Variants in FILIP1L observed in about 807,000 individuals in gnomAD.
The protein encoded by FILIP1L is filamin A-interacting protein 1-like.
Under a neutral mutation model 96.6 loss-of-function variants are expected in FILIP1L, and 55 were observed. The observed-to-expected ratio is 0.57, with a 90% confidence interval of 0.46 to 0.71. The LOEUF is 0.71. FILIP1L is among the 30% of genes least tolerant of loss of function. The pLI is 0.00. For missense variants in FILIP1L, 1,304 were observed against 1,321.2 expected, an observed-to-expected ratio of 0.99 and a Z score of 0.20; for synonymous variants, 467 against 473.9, an observed-to-expected ratio of 0.99 and a Z score of 0.19.
At chr3:99,980,470 T>C (rs1273976676) in intron 1 of FILIP1L, among the ~76,000 whole-genome samples, 1 of 152,170 alleles carries the variant, frequency 6.6e-6, no homozygotes, top group Non-Finnish European at 1.5e-5. Context: ...CATTTTTATT[T>C]CCACAGAAAC....
intron 4 of FILIP1L, among the ~76,000 whole-genome samples, chr3:99,881,233 C>G (rs1184604627): frequency 6.6e-6 from 1 of 152,144 alleles, no homozygotes; most frequent in Admixed American, 6.5e-5. Flanking sequence ...AATGTGACGC[C>G]ACTGTAAGAT....
At chr3:100,062,872 A>T (rs190916228) in intron 1 of FILIP1L, among the ~76,000 whole-genome samples, 2 of 152,198 alleles carry the variant, frequency 1.3e-5, no homozygotes, top group Non-Finnish European at 1.5e-5. Flanking sequence ...TTACTTGTAC[A>T]AAGTGGACAT....
intron 1 of FILIP1L, among the ~76,000 whole-genome samples, chr3:100,060,347 C>A (rs936286448): frequency 6.6e-5 from 10 of 152,120 alleles, no homozygotes; most frequent in African/African-American, 2.4e-4. Context: ...CTCTTCCATC[C>A]CTTTATACCA....
intron 4 of FILIP1L, among the ~76,000 whole-genome samples, chr3:99,864,277 G>T (rs1456250893): frequency 6.6e-6 from 1 of 152,058 alleles, no homozygotes. Context: ...CATCATTATG[G>T]TGGCCCTGGA....
intron 1 of FILIP1L, among the ~76,000 whole-genome samples, chr3:99,975,408 A>G (rs1179194689): frequency 6.6e-6 from 1 of 152,158 alleles, no homozygotes; most frequent in Non-Finnish European, 1.5e-5. Flanking sequence ...CTTGACCAAC[A>G]TGGTGAAACT....
At chr3:100,069,055 G>A (rs938721502) in intron 1 of FILIP1L, among the ~76,000 whole-genome samples, 4 of 152,142 alleles carry the variant, frequency 2.6e-5, no homozygotes, top group Admixed American at 6.5e-5. Context: ...CTTCATAATA[G>A]ATCAGTTGAT....
At chr3:99,866,797 A>G (rs1016289110) in intron 4 of FILIP1L, among the ~76,000 whole-genome samples, 1 of 152,160 alleles carries the variant, frequency 6.6e-6, no homozygotes, top group Non-Finnish European at 1.5e-5. Context: ...AGTTTGGGCC[A>G]TATGCCATCT....
At chr3:99,995,981 G>C (rs950014789) in intron 1 of FILIP1L, among the ~76,000 whole-genome samples, 6 of 152,202 alleles carry the variant, frequency 3.9e-5, no homozygotes, top group African/African-American at 1.4e-4. Flanking sequence ...CCATTGTCTT[G>C]GTGATTAACA....
chr3:99,992,817 A>AT (rs1709563024), intron 1 of FILIP1L, among the ~76,000 whole-genome samples: 1 of 152,040 alleles, frequency 6.6e-6, no homozygotes, highest in Admixed American at 6.6e-5. Flanking sequence ...TTAGATCTTT[A>AT]ATCCATCTTG....
At chr3:100,036,176 G>A (rs2065103789) in intron 1 of FILIP1L, among the ~76,000 whole-genome samples, 1 of 152,108 alleles carries the variant, frequency 6.6e-6, no homozygotes, top group Non-Finnish European at 1.5e-5. Context: ...TCCTAGCTCT[G>A]TCAACTAAAA....
intron 1 of FILIP1L, among the ~76,000 whole-genome samples, chr3:99,935,574 T>C (rs1367376029): frequency 6.6e-6 from 1 of 152,226 alleles, no homozygotes; most frequent in Non-Finnish European, 1.5e-5. Flanking sequence ...TCACTCAGGC[T>C]GGAACAAGGA....
chr3:99,926,988 T>C (rs1278828434), intron 3 of FILIP1L, among the ~76,000 whole-genome samples: 1 of 152,192 alleles, frequency 6.6e-6, no homozygotes, highest in African/African-American at 2.4e-5. Context: ...TCCACTCTCC[T>C]GTTCGGGGCC....
At chr3:100,011,210 T>C (rs1314032974) in intron 1 of FILIP1L, among the ~76,000 whole-genome samples, 16 of 152,108 alleles carry the variant, frequency 1.1e-4, no homozygotes, top group Admixed American at 1.0e-3. Flanking sequence ...TTTGATACAC[T>C]TTCTGTAAAA....
At position 100,044,361 on chromosome 3, in the gene FILIP1L, A is replaced by AC. The variant is rs535662103; in HGVS notation, c.-11+69691_-11+69692insG. ...TAAGTATTTACATCATAGTATAAAG[A>AC]AGTAACACAGGGGTAATCTGTCAAG... On this transcript the variant is annotated intron_variant, in intron 1 of 5. Transcript: ENST00000477258. Among the ~76,000 whole-genome samples, 536 of 152,268 alleles carry AC rather than the reference A, an allele frequency of 3.5e-3. 5 individuals are homozygous for AC. The highest frequency in any genetic ancestry group is 0.012 in the African/African-American group (489 of 41,516).
intron 1 of FILIP1L, among the ~76,000 whole-genome samples, chr3:100,054,239 C>T (rs1051606266): frequency 1.3e-5 from 2 of 152,160 alleles, no homozygotes; most frequent in Non-Finnish European, 2.9e-5. Flanking sequence ...TCCCCCTTCC[C>T]TCTTGATATG....
intron 4 of FILIP1L, among the ~76,000 whole-genome samples, chr3:99,914,823 C>A (rs1034231411): frequency 1.6e-4 from 24 of 152,162 alleles, no homozygotes; most frequent in Non-Finnish European, 2.9e-4. Context: ...ATGCCCACAA[C>A]AGAGAATTTG....
chr3:100,018,947 T>C (rs768452711), intron 1 of FILIP1L, among the ~76,000 whole-genome samples: 1 of 152,096 alleles, frequency 6.6e-6, no homozygotes. Context: ...TAAAAAGGTG[T>C]TGAACTTCAC....
At chr3:99,870,506 C>T (rs1944734194) in intron 4 of FILIP1L, among the ~76,000 whole-genome samples, 1 of 152,138 alleles carries the variant, frequency 6.6e-6, no homozygotes, top group South Asian at 2.1e-4. Flanking sequence ...AAGTTGTTGT[C>T]CAAGAGCTGC....
At chr3:99,842,561 T>C (rs992717799) in intron 5 of FILIP1L, among the ~76,000 whole-genome samples, 1 of 149,798 alleles carries the variant, frequency 6.7e-6, no homozygotes, top group African/African-American at 2.4e-5. Context: ...ACCAGGACCA[T>C]TTGGCTATGA....
Sources: gnomAD v4.1 joint callset for allele counts (sites outside exome capture counted in the v4.1 genomes callset) on GRCh38, gnomAD v4.1.1 for gene constraint, MANE v1.5 for transcripts, NCBI Gene and HGNC (gene_info 2026-07-23, HGNC 2026-07-21) for gene names.